KCNJ16: variants seen among roughly 807,000 people sequenced by gnomAD.
KCNJ16 encodes the protein potassium inwardly rectifying channel subfamily J member 16, also known as inward rectifier potassium channel 16.
A neutral mutation model predicts 18.5 loss-of-function variants in KCNJ16; 15 were observed. The ratio of observed to expected loss-of-function variants is 0.81; its 90% CI spans 0.54 to 1.25. The LOEUF (loss-of-function observed/expected upper bound fraction) is 1.25. KCNJ16 is among the 50% of genes most tolerant of loss of function. The pLI, the probability that KCNJ16 is intolerant of heterozygous loss-of-function variation, is 0.00. For synonymous variants in KCNJ16, 174 were observed against 186.5 expected, an observed-to-expected ratio of 0.93 and a Z score of 0.55; for missense variants, 523 against 525.7, an observed-to-expected ratio of 0.99 and a Z score of 0.05.
At chr17:70,088,533 A>T (rs2071942189) in intron 1 of KCNJ16, among the ~76,000 whole-genome samples, 1 of 152,174 alleles carries the variant, frequency 6.6e-6, no homozygotes, top group African/African-American at 2.4e-5. Context: ...AATTGAAACA[A>T]CCAACTCATA....
chr17:70,076,066 G>A (rs566926299), intron 1 of KCNJ16, among the ~76,000 whole-genome samples: 4 of 151,862 alleles, frequency 2.6e-5, no homozygotes, highest in African/African-American at 7.3e-5. Flanking sequence ...TGGATGCCAC[G>A]AATTCTCTGA....
chr17:70,130,072 A>C (rs922538139), intron 2 of KCNJ16, among the ~76,000 whole-genome samples: 4 of 152,138 alleles, frequency 2.6e-5, no homozygotes, highest in Non-Finnish European at 5.9e-5. Context: ...CACATTTAAC[A>C]AGAAAATAAT....
rs562275581 is a variant in KCNJ16, at chr17:70,134,482, A to T, written c.*1138A>T. On this transcript the variant is annotated 3_prime_UTR_variant, in exon 4 of 4. Coordinates refer to ENST00000392671, the MANE Select transcript of KCNJ16 (RefSeq NM_170741.4). ...TGTGAGATAGAATTCAATTAAAGCG[A>T]TTTGAATGCACAGTAAGTGGATAAT... 7 of 167,006 alleles carry T rather than the reference A, an allele frequency of 4.2e-5. No homozygotes were observed. The highest frequency in any genetic ancestry group is 7.3e-5 in the Non-Finnish European group (5 of 68,126). The allele number at this position is 167,006 out of a possible 1,614,324, so 10.3% of individuals were successfully genotyped here. A position where few individuals can be genotyped will look rare whatever the true frequency, so the allele number is the denominator to read the frequency against.
intron 2 of KCNJ16, chr17:70,128,897 G>C (rs185018036): frequency 1.3e-5 from 2 of 152,276 alleles, no homozygotes; most frequent in African/African-American, 4.8e-5. Flanking sequence ...GTATGCGGCA[G>C]GGGTTTATAA....
At chr17:70,096,143 A>G (rs1227104305) in intron 1 of KCNJ16, among the ~76,000 whole-genome samples, 1 of 152,062 alleles carries the variant, frequency 6.6e-6, no homozygotes, top group Non-Finnish European at 1.5e-5. Flanking sequence ...TGGGTCTCCC[A>G]AAGTGCTGGG....
At chr17:70,075,719 T>C (rs920638137) in intron 1 of KCNJ16, among the ~76,000 whole-genome samples, 2 of 152,190 alleles carry the variant, frequency 1.3e-5, no homozygotes, top group Non-Finnish European at 2.9e-5. Context: ...TGGAGTATTC[T>C]GCAATGTCTT....
intron 2 of KCNJ16, among the ~76,000 whole-genome samples, chr17:70,120,155 G>A (rs568640729): frequency 6.6e-6 from 1 of 152,312 alleles, no homozygotes; most frequent in East Asian, 1.9e-4. Flanking sequence ...ATGCAGCCAA[G>A]TTCATGCATG....
intron 2 of KCNJ16, among the ~76,000 whole-genome samples, chr17:70,127,896 T>C (rs58412822): frequency 0.02 from 3,084 of 152,342 alleles, 109 homozygotes; most frequent in African/African-American, 0.071. Flanking sequence ...GAAGAAATTT[T>C]AGACCTTTTT....
chr17:70,112,902 G>A (rs2073248317), intron 2 of KCNJ16, among the ~76,000 whole-genome samples: 4 of 152,160 alleles, frequency 2.6e-5, no homozygotes, highest in African/African-American at 9.7e-5. Flanking sequence ...CTTGTTCAAT[G>A]CAAGCACCAC....
rs748618318 is a variant in KCNJ16 at position 70,132,697 on chromosome 17, G to T, written c.610G>T (p.Gly204Cys). The part of the protein sequence containing the change: ...DGKLCLMWRI[G>C]DFRPNHVVEG... ...GAAGCTTTGCCTCATGTGGCGCATT[G>T]GTGATTTTCGGCCAAACCACGTGGT... Residue 204 changes from glycine (G) to cysteine (C), a missense_variant, in exon 4 of 4, where the codon GGT becomes TGT. Gly to Cys is a radical substitution (Grantham distance 159, BLOSUM62 -3). Coordinates refer to ENST00000392671, the MANE Select transcript of KCNJ16 (RefSeq NM_170741.4). 3.1e-6 allele frequency: 5 copies of T among 1,614,158 alleles called. No individual in the cohort carries two copies. In the South Asian group the frequency reaches 5.5e-5, roughly 18 times the overall value.
chr17:70,095,597 A>T (rs557964640), intron 1 of KCNJ16, among the ~76,000 whole-genome samples: 2 of 152,262 alleles, frequency 1.3e-5, no homozygotes, highest in South Asian at 4.1e-4. Flanking sequence ...AACAAAAGTG[A>T]TCGTGCCTGT....
chr17:70,122,149 T>C (rs1447609345), intron 2 of KCNJ16, among the ~76,000 whole-genome samples: 2 of 151,744 alleles, frequency 1.3e-5, no homozygotes, highest in African/African-American at 2.4e-5. Context: ...GGGAGAGTCA[T>C]GAGACCATAT....
intron 1 of KCNJ16, among the ~76,000 whole-genome samples, chr17:70,086,165 A>C (rs1446234452): frequency 6.6e-6 from 1 of 152,216 alleles, no homozygotes; most frequent in Non-Finnish European, 1.5e-5. Flanking sequence ...TGTTAGAAAT[A>C]CTGCTCTTGA....
At chr17:70,130,402 G>A (rs576728701) in intron 2 of KCNJ16, among the ~76,000 whole-genome samples, 1 of 152,288 alleles carries the variant, frequency 6.6e-6, no homozygotes, top group East Asian at 1.9e-4. Flanking sequence ...ACGAGAGGAT[G>A]TAACAGATCA....
At chr17:70,080,118 C>T (rs1169082709) in intron 1 of KCNJ16, among the ~76,000 whole-genome samples, 2 of 152,094 alleles carry the variant, frequency 1.3e-5, no homozygotes, top group East Asian at 1.9e-4. Flanking sequence ...AGTGACAGTC[C>T]AACCTTCTAA....
At chr17:70,123,573 C>CT (rs1276969240) in intron 2 of KCNJ16, among the ~76,000 whole-genome samples, 2 of 152,258 alleles carry the variant, frequency 1.3e-5, no homozygotes, top group Non-Finnish European at 2.9e-5. Flanking sequence ...TTCCCAGGTG[C>CT]TAGCTATTAT....
intron 2 of KCNJ16, among the ~76,000 whole-genome samples, chr17:70,120,899 T>C (rs562363701): frequency 5.9e-5 from 9 of 152,270 alleles, no homozygotes; most frequent in South Asian, 2.1e-4. Context: ...TTTTCTTTTA[T>C]AGGAAAGAAA....
chr17:70,126,990 G>C (rs1434537843), intron 2 of KCNJ16, among the ~76,000 whole-genome samples: 2 of 152,124 alleles, frequency 1.3e-5, no homozygotes, highest in African/African-American at 4.8e-5. Flanking sequence ...TGATACACTG[G>C]ATTTCTTCCC....
intron 1 of KCNJ16, among the ~76,000 whole-genome samples, chr17:70,096,162 C>T (rs924681808): frequency 3.3e-5 from 5 of 152,086 alleles, no homozygotes; most frequent in African/African-American, 4.8e-5. Context: ...GGATTACAGG[C>T]ATGAGCCACC....
Sources: gnomAD v4.1 joint callset for allele counts (sites outside exome capture counted in the v4.1 genomes callset) on GRCh38, gnomAD v4.1.1 for gene constraint, MANE v1.5 for transcripts, NCBI Gene and HGNC (gene_info 2026-07-23, HGNC 2026-07-21) for gene names.